The following MTCL2 variants were observed in gnomAD, a reference collection of about 807,000 sequenced individuals.
MTCL2 encodes the protein microtubule cross-linking factor 2.
At chr20:36,786,559 G>A in the MTCL2 span, 1 of 1,551,236 alleles carries the variant, frequency 6.4e-7, no homozygotes, top group South Asian at 1.2e-5. Flanking sequence ...CACTTGGAAG[G>A]AGAGTGGCGG....
chr20:36,808,279 C>T, the MTCL2 span, among the ~76,000 whole-genome samples: 1 of 151,294 alleles, frequency 6.6e-6, no homozygotes, highest in South Asian at 2.1e-4. Context: ...TTGCTTGAAC[C>T]CGGGAGATGG....
chr20:36,863,343 A>G, the MTCL2 span: 1 of 1,171,754 alleles, frequency 8.5e-7, no homozygotes, highest in East Asian at 3.8e-5. This position sits in a 1 kb window ranked among gnomAD's most constrained non-coding sequence, Gnocchi z 6.2. Context: ...CGGCGCCTCC[A>G]TCGCGGCCTC....
chr20:36,853,751 T>C, the MTCL2 span, among the ~76,000 whole-genome samples: 1 of 149,796 alleles, frequency 6.7e-6, no homozygotes, highest in Non-Finnish European at 1.5e-5. Context: ...GTGGTGGTTG[T>C]TGTTGGTAAG....
At chr20:36,778,666 G>C in the MTCL2 span, 1 of 152,246 alleles carries the variant, frequency 6.6e-6, no homozygotes, top group East Asian at 1.9e-4. Flanking sequence ...CTAAGGCACA[G>C]AGATCAGTGG....
chr20:36,855,219 C>T, the MTCL2 span, among the ~76,000 whole-genome samples: 2 of 152,212 alleles, frequency 1.3e-5, no homozygotes, highest in Non-Finnish European at 2.9e-5. Context: ...CGGCAACGTG[C>T]GGGGCAAGGA....
At chr20:36,794,401 G>C in the MTCL2 span, 6 of 1,613,716 alleles carry the variant, frequency 3.7e-6, no homozygotes, top group South Asian at 1.1e-5. This position sits in a 1 kb window ranked among gnomAD's most constrained non-coding sequence, Gnocchi z 5.4. Context: ...GGCAGGCCAG[G>C]GCACCCAGGT....
At chr20:36,827,857 G>T in the MTCL2 span, among the ~76,000 whole-genome samples, 1 of 152,180 alleles carries the variant, frequency 6.6e-6, no homozygotes, top group Non-Finnish European at 1.5e-5. Context: ...GCAGCAAGAC[G>T]GTGTGAAGAT....
At chr20:36,791,935 A>G in the MTCL2 span, among the ~76,000 whole-genome samples, 1 of 149,842 alleles carries the variant, frequency 6.7e-6, no homozygotes, top group Non-Finnish European at 1.5e-5. Context: ...ACTTATGCAC[A>G]TTCTAACACA....
chr20:36,842,509 C>T, the MTCL2 span, among the ~76,000 whole-genome samples: 4 of 152,224 alleles, frequency 2.6e-5, no homozygotes, highest in South Asian at 2.1e-4. Context: ...CGGTGGCTCA[C>T]GCCTGTAATC....
At chr20:36,862,021 C>T in the MTCL2 span, among the ~76,000 whole-genome samples, 9 of 152,340 alleles carry the variant, frequency 5.9e-5, no homozygotes, top group African/African-American at 1.9e-4. Context: ...AAGACACTGT[C>T]CTGGGATTTA....
At chr20:36,829,126 C>T in the MTCL2 span, 6 of 1,589,408 alleles carry the variant, frequency 3.8e-6, no homozygotes, top group South Asian at 4.6e-5. Flanking sequence ...GCTGACGAAG[C>T]TCTTCGTTCT....
the MTCL2 span, among the ~76,000 whole-genome samples, chr20:36,797,734 C>T: frequency 1.3e-4 from 20 of 152,256 alleles, no homozygotes; most frequent in African/African-American, 4.1e-4. Flanking sequence ...GAGCGCCCCA[C>T]TCTGCCTGGT....
the MTCL2 span, among the ~76,000 whole-genome samples, chr20:36,806,709 A>G: frequency 6.6e-6 from 1 of 152,064 alleles, no homozygotes; most frequent in Non-Finnish European, 1.5e-5. Context: ...TAGTAGAGAC[A>G]GGGTTTCATC....
At chr20:36,830,632 G>A in the MTCL2 span, among the ~76,000 whole-genome samples, 1 of 152,212 alleles carries the variant, frequency 6.6e-6, no homozygotes, top group Non-Finnish European at 1.5e-5. Context: ...TGGAAACCCA[G>A]AGAAGATGGG....
the MTCL2 span, chr20:36,859,631 T>C: frequency 3.2e-6 from 4 of 1,231,668 alleles, no homozygotes; most frequent in Non-Finnish European, 4.0e-6. Context: ...CGATTTATGC[T>C]TTCCTCACTT....
At chr20:36,856,144 T>C in the MTCL2 span, among the ~76,000 whole-genome samples, 1 of 152,182 alleles carries the variant, frequency 6.6e-6, no homozygotes, top group South Asian at 2.1e-4. Flanking sequence ...AAGCCTGTGG[T>C]CCACCTCCAG....
chr20:36,787,670 G>A, the MTCL2 span, among the ~76,000 whole-genome samples: 2 of 148,470 alleles, frequency 1.3e-5, no homozygotes, highest in African/African-American at 2.5e-5. Context: ...GGTGGATCAC[G>A]AGGTCAGGAG....
chr20:36,859,627 A>G, the MTCL2 span: 5 of 1,231,594 alleles, frequency 4.1e-6, no homozygotes, highest in Middle Eastern at 3.1e-4. Flanking sequence ...TGCCCGATTT[A>G]TGCTTTCCTC....
chr20:36,806,321 A>G, the MTCL2 span, among the ~76,000 whole-genome samples: 4 of 152,186 alleles, frequency 2.6e-5, no homozygotes, highest in African/African-American at 9.7e-5. Context: ...TCAGGGACCT[A>G]GTTCAGGATG....
Sources: allele counts gnomAD v4.1 joint callset (sites outside exome capture counted in the v4.1 genomes callset), GRCh38; gene constraint gnomAD v4.1.1; non-coding constraint Gnocchi (gnomAD v3.1); transcripts MANE v1.5; gene names NCBI Gene and HGNC (gene_info 2026-07-23, HGNC 2026-07-21).